The following VPS13D variants were observed in gnomAD, a reference collection of about 807,000 sequenced individuals.
VPS13D encodes the protein vacuolar protein sorting 13 homolog D.
A neutral mutation model predicts 461.9 loss-of-function variants in VPS13D; 187 were observed. The observed-to-expected ratio is 0.40, with a 90% CI of 0.36 to 0.46. The LOEUF (loss-of-function observed/expected upper bound fraction) is 0.46. VPS13D is among the 20% of genes least tolerant of loss of function. The pLI, the probability that VPS13D is intolerant of heterozygous loss-of-function variation, is 0.60. For synonymous variants in VPS13D, 1,951 were observed against 1,986.3 expected (o/e 0.98, Z 0.47); for missense variants, 4,711 against 5,364.9 (o/e 0.88, Z 3.81).
chr1:12,406,960 A>C (rs1644664811), intron 63 of VPS13D, among the ~76,000 whole-genome samples: 1 of 152,108 alleles, frequency 6.6e-6, no homozygotes, highest in African/African-American at 2.4e-5. Flanking sequence ...GGTTAGGGGG[A>C]GTTTCGAACA....
intron 67 of VPS13D, among the ~76,000 whole-genome samples, chr1:12,466,027 TG>T (rs1645478147): frequency 6.6e-6 from 1 of 151,748 alleles, no homozygotes; most frequent in Admixed American, 6.6e-5. Context: ...CCCAGCTACT[TG>T]GGAGGCTGAG....
chr1:12,318,830 A>G (rs1032821609), intron 31 of VPS13D, among the ~76,000 whole-genome samples: 2 of 152,128 alleles, frequency 1.3e-5, no homozygotes, highest in African/African-American at 2.4e-5. Flanking sequence ...GTGCATCTGT[A>G]TGTATTTGTG....
rs1346516103 is a variant in VPS13D, at chr1:12,495,765, C to T, written c.12663-1735C>T. On this transcript the variant is annotated intron_variant, in intron 67 of 69. Coordinates refer to ENST00000620676, the MANE Select transcript of VPS13D (RefSeq NM_015378.4). This position sits in a 1 kb window ranked among gnomAD's most constrained non-coding sequence, Gnocchi z 4.0. ...GAGCCTTTGGGCTTCTACCATGTAG[C>T]CTGACAGAGAGGTCAGCAGGACTGC... is the stretch of plus-strand genomic sequence containing the variant. Among the ~76,000 whole-genome samples, 1 of 152,190 alleles carries T rather than the reference C, an allele frequency of 6.6e-6. No homozygotes were observed. Among genetic ancestry groups the T allele is most frequent in the Non-Finnish European group, 1.5e-5 (1 of 68,042 alleles).
chr1:12,466,053 T>C (rs1645478572), intron 67 of VPS13D, among the ~76,000 whole-genome samples: 1 of 151,906 alleles, frequency 6.6e-6, no homozygotes, highest in Non-Finnish European at 1.5e-5. Flanking sequence ...GAGAATTGCT[T>C]GAACCCGGGA....
chr1:12,260,897 G>A (rs1641085853), intron 11 of VPS13D, 51 bp from the exon 12 acceptor site: 1 of 1,612,792 alleles, frequency 6.2e-7, no homozygotes, highest in Non-Finnish European at 8.5e-7. Context: ...GCATATCACA[G>A]CTTGCTTTTA....
At chr1:12,442,565 TG>T (rs1645143854) in intron 65 of VPS13D, among the ~76,000 whole-genome samples, 1 of 152,008 alleles carries the variant, frequency 6.6e-6, no homozygotes, top group Admixed American at 6.6e-5. Flanking sequence ...GCTAAGTGAT[TG>T]TTTCCAAGAT....
intron 57 of VPS13D, among the ~76,000 whole-genome samples, chr1:12,381,297 G>A (rs1644268777): frequency 1.3e-5 from 2 of 152,150 alleles, no homozygotes; most frequent in African/African-American, 2.4e-5. Context: ...GTTGAAACCT[G>A]TACTATAAAC....
Position 12,262,987 on chromosome 1 carries a change from A to G in VPS13D, c.1594+907A>G, listed in dbSNP as rs1641159962. ...CCAAAGTGCCAGGATTACAGGCCTG[A>G]GCCATTGCGCTCAGCTGATTTATGA... On this transcript the variant is annotated intron_variant, in intron 13 of 69. Transcript: ENST00000620676. Among the ~76,000 whole-genome samples the G allele has an allele frequency of 1.3e-5, 2 of 152,114 alleles. 1 individual carries two copies. The highest frequency in any genetic ancestry group is 4.1e-4 in the South Asian group (2 of 4,824).
chr1:12,369,511 C>G lies in VPS13D; in HGVS notation c.10617C>G (p.Leu3539=), dbSNP rs1265232000. Residue 3539 remains leucine (L), a synonymous_variant, in exon 54 of 70, where the codon CTC becomes CTG. Coordinates refer to ENST00000620676, the MANE Select transcript of VPS13D (RefSeq NM_015378.4). The part of the protein sequence containing the change: ...FTQHGVAEPR[L]RTEVKPMTSL... ...AGCATGGCGTAGCTGAACCCAGGCT[C>G]CGGACTGAAGTGAAGCCCATGACTT... 1.2e-6 allele frequency: 2 copies of G among 1,614,178 alleles called. No homozygotes were observed.
chr1:12,291,218 A>C (rs1642123528), intron 23 of VPS13D, 94 bp downstream of exon 23: 3 of 1,403,466 alleles, frequency 2.1e-6, no homozygotes, highest in East Asian at 2.4e-5. Context: ...AACTTTTAAA[A>C]ATTTTTACCT....
chr1:12,400,962 G>GCGCGCGCACACACACACA (rs1253464149), intron 61 of VPS13D, among the ~76,000 whole-genome samples: 4 of 106,218 alleles, frequency 3.8e-5, no homozygotes, highest in African/African-American at 1.3e-4. Context: ...CTGCGCGCGC[G>GCGCGCGCACACACACACA]CACACACACA....
rs775880936 is a variant in VPS13D, at chr1:12,506,841, C to G, written c.12795-12C>G. The G allele has an allele frequency of 3.7e-6, 6 of 1,612,682 alleles. No individual in the cohort carries two copies. In the South Asian group the frequency reaches 6.6e-5, roughly 18 times the overall value. On this transcript the variant is annotated splice_polypyrimidine_tract_variant and intron_variant, in intron 68 of 69. Coordinates refer to ENST00000620676, the MANE Select transcript of VPS13D (RefSeq NM_015378.4). ...CCAGGTGTCACTCCTGTGTTCCCGTCTCGCTTTGCAGCTTCATCGCTGTGG... is the reference window on the plus strand; with the variant it reads ...CCAGGTGTCACTCCTGTGTTCCCGTGTCGCTTTGCAGCTTCATCGCTGTGG...
chr1:12,273,333 T>C (rs547266946), intron 18 of VPS13D, among the ~76,000 whole-genome samples, 198 bp downstream of exon 18: 2 of 152,342 alleles, frequency 1.3e-5, no homozygotes, highest in East Asian at 3.9e-4. Flanking sequence ...TCTATGATTA[T>C]CTAAGTAAAG....
intron 35 of VPS13D, among the ~76,000 whole-genome samples, chr1:12,325,415 A>G (rs1325273111): frequency 6.6e-6 from 1 of 152,180 alleles, no homozygotes; most frequent in African/African-American, 2.4e-5. Flanking sequence ...GCCCGCCACC[A>G]TGCCCAGCTA....
chr1:12,248,868 G>A (rs1640642223), intron 5 of VPS13D, among the ~76,000 whole-genome samples: 1 of 152,026 alleles, frequency 6.6e-6, no homozygotes, highest in South Asian at 2.1e-4. Context: ...TTTTTAAGGT[G>A]TCTTCTGAAA....
Position 12,507,181 on chromosome 1 carries a change from C to T in VPS13D, c.13035+88C>T. On this transcript the variant is annotated intron_variant, in intron 69 of 69. Coordinates refer to ENST00000620676, the MANE Select transcript of VPS13D (RefSeq NM_015378.4). This position sits in a 1 kb window ranked among gnomAD's most constrained non-coding sequence, Gnocchi z 5.3. ...TGCTTCCCCGTCCTCAGCAGGAGCT[C>T]ATTTAGGAGGTTGAGGCTGGGCCCT... 1 of 1,606,392 alleles carries T rather than the reference C, an allele frequency of 6.2e-7. No individual in the cohort carries two copies. The highest frequency in any genetic ancestry group is 1.1e-5 in the South Asian group (1 of 90,410).
intron 7 of VPS13D, 27 bp from the exon 8 acceptor site, chr1:12,256,306 C>A (rs770786098): frequency 3.1e-6 from 5 of 1,604,636 alleles, no homozygotes; most frequent in Admixed American, 1.7e-5. Context: ...CCATTCGGAG[C>A]AGAGCAGGTG....
At chr1:12,290,554 C>G (rs990778458) in intron 22 of VPS13D, among the ~76,000 whole-genome samples, 8 of 152,016 alleles carry the variant, frequency 5.3e-5, no homozygotes, top group Non-Finnish European at 1.0e-4. Flanking sequence ...AACCCCGTCT[C>G]TACTAAAAAT....
At chr1:12,270,578 A>G (rs1398059610) in intron 16 of VPS13D, among the ~76,000 whole-genome samples, 1 of 152,216 alleles carries the variant, frequency 6.6e-6, no homozygotes, top group African/African-American at 2.4e-5. Flanking sequence ...ATGGCTTAAG[A>G]AATTCTAGTA....
Sources: allele counts gnomAD v4.1 joint callset (sites outside exome capture counted in the v4.1 genomes callset), GRCh38; gene constraint gnomAD v4.1.1; non-coding constraint Gnocchi (gnomAD v3.1); transcripts MANE v1.5; gene names NCBI Gene and HGNC (gene_info 2026-07-23, HGNC 2026-07-21).